ABCA7: variants seen among roughly 807,000 people sequenced by gnomAD.
ABCA7 encodes phospholipid-transporting ATPase ABCA7.
Under a neutral mutation model 227.6 loss-of-function variants are expected in ABCA7, and 261 were observed. The observed-to-expected ratio is 1.15, with a 90% CI of 1.04 to 1.27. ABCA7 has a LOEUF of 1.27. ABCA7 is among the 50% of genes most tolerant of loss of function. The probability of loss-of-function intolerance (pLI) is 0.00; values close to 1 mark genes in which losing one functional copy is unlikely to be tolerated. For synonymous variants in ABCA7, 1,488 were observed against 1,279.7 expected, an observed-to-expected ratio of 1.16 and a Z score of -3.47; for missense variants, 3,331 against 2,924.5, an observed-to-expected ratio of 1.14 and a Z score of -3.21.
intron 21 of ABCA7, 87 bp downstream of exon 21, chr19:1,051,673 G>A: frequency 7.4e-7 from 1 of 1,354,236 alleles, no homozygotes; most frequent in Non-Finnish European, 1.0e-6. Context: ...ATGAGTAGGA[G>A]TTTGCTACAT....
rs755903984 is a variant in ABCA7, at chr19:1,064,254, G to A, written c.6044+1G>A. On this transcript the variant is annotated splice_donor_variant, in intron 45 of 46. Coordinates refer to ENST00000263094, the MANE Select transcript of ABCA7 (RefSeq NM_019112.4). LOFTEE classifies it high-confidence loss of function. The stretch of plus-strand genomic sequence containing the variant: ...GCAGCCCGCAACATCTCAAGGGCAG[G>A]TGAGCCGGCGCGGCCTCCAGGCAGG... 6.4e-7 allele frequency: 1 copy of A among 1,557,426 alleles called. No individual in the cohort carries two copies.
Position 1,043,413 on chromosome 19 carries a change from G to A in ABCA7, c.870G>A (p.Leu290=). ...TGCTCTGGAGACGCCTGAAGCCTCT[G>A]ATCCTCGGGAAGCTACTCTTTGCAC... The part of the protein sequence containing the change: ...SRLLWRRLKP[L]ILGKLLFAPD... The change falls in exon 9 of 47, where the codon CTG becomes CTA. Residue 290 remains leucine, a synonymous_variant. Transcript: ENST00000263094. The A allele has an allele frequency of 2.5e-6, 4 of 1,613,458 alleles. No homozygotes were observed. Among genetic ancestry groups the A allele is most frequent in the Non-Finnish European group, 3.4e-6 (4 of 1,180,030 alleles).
Position 1,041,371 on chromosome 19 carries a change from T to G in ABCA7, c.10T>G (p.Trp4Gly). The G allele has an allele frequency of 6.2e-7, 1 of 1,614,046 alleles. No individual in the cohort carries two copies. Among genetic ancestry groups the G allele is most frequent in the Non-Finnish European group, 8.5e-7 (1 of 1,180,020 alleles). ...CCTGCCCAGTCTCACCATGGCCTTC[T>G]GGACACAGCTGATGCTGCTGCTCTG... MAF[W>G]TQLMLLLWKN... Residue 4 changes from tryptophan to glycine, a missense_variant, in exon 2 of 47, where the codon TGG (tryptophan) becomes GGG (glycine). Coordinates refer to ENST00000263094, the MANE Select transcript of ABCA7 (RefSeq NM_019112.4).
At chr19:1,040,800 G>A (rs1035788412) in intron 1 of ABCA7, among the ~76,000 whole-genome samples, 126 of 152,290 alleles carry the variant, frequency 8.3e-4, no homozygotes, top group Non-Finnish European at 1.2e-3. Context: ...GGGTGCCTGG[G>A]TTTGCTTTCT....
At chr19:1,041,626 C>T in intron 3 of ABCA7, 23 bp downstream of exon 3, 2 of 1,606,788 alleles carry the variant, frequency 1.2e-6, no homozygotes, top group Non-Finnish European at 1.7e-6. Context: ...AGGGACCAGG[C>T]ACTTTGTGTG....
In ABCA7 at chr19:1,047,530, G is replaced by C. The variant is rs761634254; in HGVS notation, c.2145G>C (p.Gln715His). ...TGGAGGAGCAGGGCGAGGGCGCGCA[G>C]TGGCACAACGTGGGCACCCGGCCTA... ...ALLEEQGEGA[Q>H]WHNVGTRPTA... The change falls in exon 16 of 47, where the codon CAG becomes CAC. Residue 715 changes from glutamine to histidine, a missense_variant. Physicochemically the swap from Gln to His is conservative, Grantham distance 24. Coordinates refer to ENST00000263094, the MANE Select transcript of ABCA7 (RefSeq NM_019112.4). The C allele has an allele frequency of 6.3e-7, 1 of 1,596,740 alleles. No homozygotes were observed.
chr19:1,047,700 G>A (rs1292788327), intron 16 of ABCA7, 46 bp downstream of exon 16: 2 of 1,525,296 alleles, frequency 1.3e-6, no homozygotes, highest in South Asian at 2.4e-5. Flanking sequence ...CACCTGCTTT[G>A]CGGGAGGCTG....
In ABCA7 at chr19:1,047,031, G is replaced by A; in HGVS notation, c.1845+7G>A. 1 of 1,557,768 alleles carries A rather than the reference G, an allele frequency of 6.4e-7. No homozygotes were observed. Among genetic ancestry groups the A allele is most frequent in the Non-Finnish European group, 8.7e-7 (1 of 1,153,848 alleles). On this transcript the variant is annotated splice_region_variant and intron_variant, in intron 14 of 46. Coordinates refer to ENST00000263094, the MANE Select transcript of ABCA7 (RefSeq NM_019112.4). ...GCTGGTTCTGGTGCTCAAGGTGGGC[G>A]CGCCTCGGCCTGCCCGGCTGCAGAA...
rs1005289654 is a variant in ABCA7 at position 1,061,908 on chromosome 19, G to A, written c.5570+20G>A. 5.8e-6 allele frequency: 9 copies of A among 1,564,796 alleles called. No homozygotes were observed. The Admixed American group carries it at 7.7e-5, about 13-fold the overall frequency. Reference sequence around the variant, plus strand: ...CCACAGGTGAGGGGTGCCAGGTAGGGTCAGGGTGGGGCAGGGTTGGCCCTG... The same window carrying A: ...CCACAGGTGAGGGGTGCCAGGTAGGATCAGGGTGGGGCAGGGTTGGCCCTG... On this transcript the variant is annotated intron_variant, in intron 41 of 46. Transcript: ENST00000263094.
intron 20 of ABCA7, 22 bp from the exon 21 acceptor site, chr19:1,051,427 G>A (rs933756408): frequency 1.3e-6 from 2 of 1,486,778 alleles, no homozygotes; most frequent in East Asian, 4.7e-5. Flanking sequence ...ACACACTGAG[G>A]TCCCTTCCCC....
chr19:1,061,642 T>C, intron 40 of ABCA7, 140 bp from the exon 41 acceptor site: 2 of 712,044 alleles, frequency 2.8e-6, no homozygotes, highest in Non-Finnish European at 4.4e-6. Flanking sequence ...GAGGTTGCAG[T>C]GAGCCAAGAT....
intron 12 of ABCA7, 116 bp from the exon 13 acceptor site, chr19:1,046,114 C>T (rs1291753196): frequency 8.1e-7 from 1 of 1,229,728 alleles, no homozygotes; most frequent in Non-Finnish European, 1.1e-6. Flanking sequence ...GATTGCAGCT[C>T]TTCACTCCAG....
intron 12 of ABCA7, chr19:1,045,441 G>T: frequency 1.7e-6 from 1 of 596,696 alleles, no homozygotes. Flanking sequence ...CGTGGCCATG[G>T]GCCTGAGATA....
chr19:1,047,508 AGGAGCAG>A lies in ABCA7; in HGVS notation c.2126_2132del (p.Glu709AlafsTer86), dbSNP rs547447016. On this transcript the variant is annotated frameshift_variant, in exon 16 of 47. Transcript: ENST00000263094. LOFTEE classifies it high-confidence loss of function. ...GGCTGCGAGAGCCTGGCTCTGCTGG[AGGAGCAG>A]GGCGAGGGCGCGCAGTGGCACAACG... is the stretch of plus-strand genomic sequence containing the variant. 2.3e-3 allele frequency: 3,574 copies of A among 1,584,742 alleles called. 7 individuals carry two copies. The highest frequency in any genetic ancestry group is 2.7e-3 in the Non-Finnish European group (3,199 of 1,170,776).
chr19:1,047,941 C>T (rs2040880092), intron 16 of ABCA7, among the ~76,000 whole-genome samples: 1 of 152,186 alleles, frequency 6.6e-6, no homozygotes, highest in South Asian at 2.1e-4. Flanking sequence ...GTAATCCCAG[C>T]ACTTTGGGAG....
Position 1,054,580 on chromosome 19 carries a change from C to T in ABCA7, c.3737C>T (p.Pro1246Leu). Residue 1246 changes from proline (P) to leucine (L), a missense_variant, in exon 28 of 47, where the codon CCT (proline) becomes CTT (leucine). By Grantham distance (98) the Pro-to-Leu change is moderately conservative. Transcript: ENST00000263094. The surrounding 1 kb of genome is among the most constrained non-coding windows in gnomAD (Gnocchi z 4.8). ...GGGCTGGTCCCCCAGATCGTGCTGC[C>T]TGCCCTCTTTGTGGGCCTGGCCCTC... ...RRGLFAQIVLPALFVGLALVF... is the reference protein window; with the variant it reads ...RRGLFAQIVLLALFVGLALVF... 6.2e-7 allele frequency: 1 copy of T among 1,610,658 alleles called. No individual in the cohort carries two copies.
Position 1,047,220 on chromosome 19 carries a change from G to A in ABCA7, c.1909G>A (p.Val637Met). 1 of 1,608,612 alleles carries A rather than the reference G, an allele frequency of 6.2e-7. No individual in the cohort carries two copies. The highest frequency in any genetic ancestry group is 1.3e-5 in the African/African-American group (1 of 74,902). ...VVFLFLAAFA[V>M]ATVTQSFLLS... ...CTTCCTGTTCTTGGCAGCCTTCGCG[G>A]TGGCCACGGTGACCCAGAGCTTCCT... The change falls in exon 15 of 47, where the codon GTG becomes ATG. Residue 637 changes from valine to methionine, a missense_variant. Physicochemically the swap from Val to Met is conservative, Grantham distance 21. Coordinates refer to ENST00000263094, the MANE Select transcript of ABCA7 (RefSeq NM_019112.4).
At position 1,057,104 on chromosome 19, in the gene ABCA7, G is replaced by T; in HGVS notation, c.4764+20G>T. The T allele has an allele frequency of 6.2e-7, 1 of 1,603,704 alleles. No homozygotes were observed. On this transcript the variant is annotated intron_variant, in intron 34 of 46. Transcript: ENST00000263094. The stretch of plus-strand genomic sequence containing the variant: ...GACATGGTGCGGGGGCTGCTTGGAC[G>T]GGTGGGGGCCCAGCCACTGCTTGCC...
Position 1,065,360 on chromosome 19 carries a change from C to G in ABCA7, c.6376C>G (p.Leu2126Val), listed in dbSNP as rs964940418. 5.0e-6 allele frequency: 8 copies of G among 1,613,518 alleles called. No individual in the cohort carries two copies. In the African/African-American group the frequency reaches 9.3e-5, roughly 19 times the overall value. The change falls in exon 47 of 47, where the codon CTG (leucine) becomes GTG (valine). Residue 2126 changes from leucine to valine, a missense_variant. By Grantham distance (32) the Leu-to-Val change is conservative (BLOSUM62 1). Coordinates refer to ENST00000263094, the MANE Select transcript of ABCA7 (RefSeq NM_019112.4). The stretch of plus-strand genomic sequence containing the variant: ...AGTGGGAGTGGACCCCGCGCCAGGC[C>G]TGCAGCACCCCAAACGCGTCAGCCA... ...AGVGVDPAPG[L>V]QHPKRVSQFL...
Sources: allele counts gnomAD v4.1 joint callset (sites outside exome capture counted in the v4.1 genomes callset), GRCh38; gene constraint gnomAD v4.1.1; non-coding constraint Gnocchi (gnomAD v3.1); transcripts MANE v1.5; gene names NCBI Gene and HGNC (gene_info 2026-07-23, HGNC 2026-07-21).